Variants in PES1 observed in about 807,000 individuals in gnomAD.
PES1 encodes the protein pescadillo homolog.
Under a neutral mutation model 77.1 loss-of-function variants are expected in PES1, and 31 were observed. The ratio of observed to expected loss-of-function variants is 0.40; its 90% CI spans 0.30 to 0.54. The LOEUF (loss-of-function observed/expected upper bound fraction) is 0.54. Among genes scored for constraint, PES1 ranks in the 20% least tolerant of loss-of-function variants. PES1 has a pLI of 0.45. For synonymous variants in PES1, 282 were observed against 303.0 expected (o/e 0.93, Z 0.72); for missense variants, 658 against 771.7 (o/e 0.85, Z 1.75).
chr22:30,600,209 C>CTA (rs1432149134), intron 2 of PES1, among the ~76,000 whole-genome samples: 7 of 152,156 alleles, frequency 4.6e-5, no homozygotes, highest in African/African-American at 1.7e-4. Context: ...TGGCACAAGC[C>CTA]TATAGTCCCA....
chr22:30,578,334 G>C (rs1161302473), intron 14 of PES1, among the ~76,000 whole-genome samples: 2 of 152,068 alleles, frequency 1.3e-5, no homozygotes, highest in African/African-American at 2.4e-5. Flanking sequence ...CCAAACACGG[G>C]TCATTATGGG....
At chr22:30,582,739 C>T (rs2087006157) in intron 6 of PES1, among the ~76,000 whole-genome samples, 1 of 152,164 alleles carries the variant, frequency 6.6e-6, no homozygotes, top group African/African-American at 2.4e-5. Context: ...CAAGAGAAGC[C>T]CTGCCTGTTC....
chr22:30,597,196 C>A (rs1316987793), intron 2 of PES1, among the ~76,000 whole-genome samples: 1 of 152,030 alleles, frequency 6.6e-6, no homozygotes, highest in Non-Finnish European at 1.5e-5. Context: ...CGAGCGCCGC[C>A]CCCTGCTCCC....
In PES1 at chr22:30,577,293, G is replaced by A. The variant is rs548487640; in HGVS notation, c.1684-164C>T. ...CCCACTTCATGGTGAGAAAACATGCGCTAGCCCTGCTTTAACAACATTATT... is the reference window on the plus strand; with the variant it reads ...CCCACTTCATGGTGAGAAAACATGCACTAGCCCTGCTTTAACAACATTATT... On this transcript the variant is annotated intron_variant, in intron 14 of 14. Coordinates refer to ENST00000354694, the MANE Select transcript of PES1 (RefSeq NM_014303.4). Among the ~76,000 whole-genome samples the A allele has an allele frequency of 4.8e-4, 73 of 152,260 alleles. 1 individual carries two copies. The highest frequency in any genetic ancestry group is 1.7e-3 in the African/African-American group (72 of 41,544).
At position 30,579,173 on chromosome 22, in the gene PES1, C is replaced by T; in HGVS notation, c.1485G>A (p.Arg495=). 1 of 1,608,618 alleles carries T rather than the reference C, an allele frequency of 6.2e-7. No homozygotes were observed. Among genetic ancestry groups the T allele is most frequent in the Non-Finnish European group, 8.5e-7 (1 of 1,179,656 alleles). Residue 495 remains arginine (R), a synonymous_variant, in exon 13 of 15, where the codon CGG becomes CGA. Transcript: ENST00000354694. ...EAGSEKEEEA[R]LAALEEQRME... is the part of the protein sequence containing the mutation. ...TCCTCTGCTCTTCCAGGGCTGCCAG[C>T]CGGGCCTCTTCCTCCTTTTCTGAAC...
chr22:30,602,253 A>T (rs2087367140), intron 2 of PES1, among the ~76,000 whole-genome samples: 1 of 152,042 alleles, frequency 6.6e-6, no homozygotes, highest in Non-Finnish European at 1.5e-5. Flanking sequence ...TATGGTTTTA[A>T]GTGTGGCACT....
chr22:30,591,755 C>T, intron 1 of PES1, 55 bp downstream of exon 1: 1 of 1,539,866 alleles, frequency 6.5e-7, no homozygotes, highest in Non-Finnish European at 8.8e-7. Context: ...CGACCCCATG[C>T]TCTGCCGCCC....
upstream of PES1, among the ~76,000 whole-genome samples, chr22:30,592,901 T>G (rs991690381): frequency 2.0e-5 from 3 of 152,236 alleles, no homozygotes; most frequent in African/African-American, 4.8e-5. Flanking sequence ...ATTCCAAGAT[T>G]TATACAAATA....
Position 30,578,993 on chromosome 22 carries a change from G to A in PES1, c.1527C>T (p.Pro509=). Residue 509 remains proline, a synonymous_variant, in exon 14 of 15, where the codon CCC becomes CCT. Coordinates refer to ENST00000354694, the MANE Select transcript of PES1 (RefSeq NM_014303.4). The part of the protein sequence containing the change: ...LEEQRMEGKK[P]RVMAGTLKLE... ...GCTTCAAGGTGCCTGCCATCACCCT[G>A]GGCTTCTGGGGACACAAGGAGGGTG... The A allele has an allele frequency of 6.2e-7, 1 of 1,610,072 alleles. No homozygotes were observed. The highest frequency in any genetic ancestry group is 1.3e-5 in the African/African-American group (1 of 75,018).
intron 2 of PES1, among the ~76,000 whole-genome samples, chr22:30,600,042 C>T (rs192257009): frequency 4.6e-5 from 7 of 151,066 alleles, no homozygotes; most frequent in Non-Finnish European, 5.9e-5. Context: ...TTAAAAAATA[C>T]GTTACAGGGC....
chr22:30,586,310 C>T (rs1214183128), intron 4 of PES1, among the ~76,000 whole-genome samples: 2 of 152,178 alleles, frequency 1.3e-5, no homozygotes, highest in African/African-American at 4.8e-5. Flanking sequence ...AGCTCATGTG[C>T]CACACAGCTG....
Position 30,584,154 on chromosome 22 carries a change from A to C in PES1, c.630+211T>G, listed in dbSNP as rs116788747. ...AGGTGAAAGGAACACGTCCAAGGGCACGCAGCTGGCAGGTGCTGCCATAGG... is the reference window on the plus strand; with the variant it reads ...AGGTGAAAGGAACACGTCCAAGGGCCCGCAGCTGGCAGGTGCTGCCATAGG... On this transcript the variant is annotated intron_variant, in intron 6 of 14. Transcript: ENST00000354694. The C allele has an allele frequency of 4.4e-3, 2,628 of 591,934 alleles. 60 individuals are homozygous for C. Among genetic ancestry groups the C allele is most frequent in the African/African-American group, 0.041 (2,211 of 54,070 alleles). The allele number at this position is 591,934 out of a possible 1,614,324, so 36.7% of individuals were successfully genotyped here.
chr22:30,581,824 G>A (rs903545305), intron 6 of PES1, among the ~76,000 whole-genome samples, 180 bp from the exon 7 acceptor site: 2 of 152,154 alleles, frequency 1.3e-5, no homozygotes, highest in South Asian at 2.1e-4. Context: ...CACCAGGGGC[G>A]TTCCGGCCAC....
At chr22:30,579,990 T>G in intron 11 of PES1, 55 bp from the exon 12 acceptor site, 1 of 1,611,692 alleles carries the variant, frequency 6.2e-7, no homozygotes, top group African/African-American at 1.3e-5. Flanking sequence ...AGGGTCCTGC[T>G]GCATCGCAGG....
chr22:30,579,201 G>T lies in PES1; in HGVS notation c.1457C>A (p.Ala486Asp). The T allele has an allele frequency of 6.2e-7, 1 of 1,607,378 alleles. No individual in the cohort carries two copies. Residue 486 changes from alanine (A) to aspartate (D), a missense_variant, in exon 13 of 15, where the codon GCT (alanine) becomes GAT (aspartate). Transcript: ENST00000354694. ...ENEEEEEDAE[A>D]GSEKEEEARL... ...GGCCTCTTCCTCCTTTTCTGAACCA[G>T]CCTCTGCATCTTCCTCCTCCTCCTC...
intron 1 of PES1, among the ~76,000 whole-genome samples, chr22:30,590,037 C>A (rs899952227): frequency 6.6e-6 from 1 of 152,170 alleles, no homozygotes; most frequent in Non-Finnish European, 1.5e-5. Flanking sequence ...ATGCTCTAAG[C>A]CACACAGCTT....
intron 6 of PES1, 104 bp from the exon 7 acceptor site, chr22:30,581,748 C>A: frequency 1.3e-6 from 1 of 782,834 alleles, no homozygotes; most frequent in Non-Finnish European, 2.2e-6. Context: ...CCCAAAGACC[C>A]CAAGCTCCTC....
rs1448008487 is a variant in PES1 at position 30,584,577 on chromosome 22, T to C, written c.509A>G (p.His170Arg). 1 of 1,612,398 alleles carries C rather than the reference T, an allele frequency of 6.2e-7. No individual in the cohort carries two copies. Among genetic ancestry groups the C allele is most frequent in the East Asian group, 2.2e-5 (1 of 44,798 alleles). The change falls in exon 5 of 15, where the codon CAC becomes CGC. Residue 170 changes from histidine (H) to arginine (R), a missense_variant. Coordinates refer to ENST00000354694, the MANE Select transcript of PES1 (RefSeq NM_014303.4). ...CAGGGCACGGGCAGCGATAATGTAG[T>C]GCATGAACTCCACAGTGAGCCGGCG... The part of the protein sequence containing the change: ...LCRRLTVEFM[H>R]YIIAARALRK...
intron 1 of PES1, among the ~76,000 whole-genome samples, chr22:30,606,061 C>T (rs1454741653): frequency 6.6e-6 from 1 of 152,182 alleles, no homozygotes. Context: ...CAAAGTCACA[C>T]AGCCACCACT....
Sources: allele counts gnomAD v4.1 joint callset (sites outside exome capture counted in the v4.1 genomes callset), GRCh38; gene constraint gnomAD v4.1.1; transcripts MANE v1.5; gene names NCBI Gene and HGNC (gene_info 2026-07-23, HGNC 2026-07-21).